The following RNF220 variants were observed in gnomAD, a reference collection of about 807,000 sequenced individuals.
RNF220 encodes E3 ubiquitin-protein ligase RNF220.
A neutral mutation model predicts 67.1 loss-of-function variants in RNF220; 7 were observed. The observed-to-expected ratio is 0.10, with a 90% confidence interval of 0.06 to 0.20. The LOEUF is 0.20. Among genes scored for constraint, RNF220 ranks in the 10% least tolerant of loss-of-function variants. The pLI is 1.00. For synonymous variants in RNF220, 270 were observed against 283.2 expected (o/e 0.95, Z 0.47); for missense variants, 565 against 740.3 (o/e 0.76, Z 2.75).
intron 4 of RNF220, among the ~76,000 whole-genome samples, chr1:44,625,399 C>T (rs1340945748): frequency 1.3e-5 from 2 of 152,212 alleles, no homozygotes; most frequent in Admixed American, 6.5e-5. Context: ...CCACCGCATG[C>T]GGGTCACATC....
In RNF220 at chr1:44,624,026, T is replaced by A. The variant is rs1403933772; in HGVS notation, c.804+1239T>A. The stretch of plus-strand genomic sequence containing the variant: ...TGCAAGCCTTTCAAAGGTATAGGAA[T>A]GGATCGTGTACCTTCGTTTAGAAAA... On this transcript the variant is annotated intron_variant, in intron 4 of 14. Coordinates refer to ENST00000361799, the MANE Select transcript of RNF220 (RefSeq NM_018150.4). This position sits in a 1 kb window ranked among gnomAD's most constrained non-coding sequence, Gnocchi z 4.2. Among the ~76,000 whole-genome samples, 1 of 152,208 alleles carries A rather than the reference T, an allele frequency of 6.6e-6. No individual in the cohort carries two copies. The highest frequency in any genetic ancestry group is 1.5e-5 in the Non-Finnish European group (1 of 68,028).
intron 2 of RNF220, among the ~76,000 whole-genome samples, chr1:44,473,022 G>T (rs1255104153): frequency 6.6e-6 from 1 of 152,152 alleles, no homozygotes; most frequent in Admixed American, 6.5e-5. Context: ...TGGCTTTGAG[G>T]TTTTCCTGGG....
chr1:44,630,899 T>C (rs566320015), intron 5 of RNF220, among the ~76,000 whole-genome samples: 2 of 152,130 alleles, frequency 1.3e-5, no homozygotes, highest in Non-Finnish European at 2.9e-5. Flanking sequence ...CACTGAAGGA[T>C]TTAAAGAAGG....
Position 44,626,579 on chromosome 1 carries a change from G to A in RNF220, c.906+181G>A, listed in dbSNP as rs112307484. On this transcript the variant is annotated intron_variant, in intron 5 of 14. Coordinates refer to ENST00000361799, the MANE Select transcript of RNF220 (RefSeq NM_018150.4). ...CAGGAGGCATACGTGTCAGGGAATA[G>A]GCCTTAAATAGATGGATTTTAGGGA... 3.3e-4 allele frequency: 194 copies of A among 596,140 alleles called. 2 individuals are homozygous for A. Among genetic ancestry groups the A allele is most frequent in the African/African-American group, 3.1e-3 (169 of 53,868 alleles). The allele number at this position is 596,140 out of a possible 1,614,324, so 36.9% of individuals were successfully genotyped here. A position where few individuals can be genotyped will look rare whatever the true frequency, so the allele number is the denominator to read the frequency against.
At chr1:44,471,817 T>TC in intron 2 of RNF220, among the ~76,000 whole-genome samples, 1 of 140,096 alleles carries the variant, frequency 7.1e-6, no homozygotes, top group East Asian at 2.3e-4. Context: ...AGAACGAAAC[T>TC]CCATCTCAAA....
intron 2 of RNF220, among the ~76,000 whole-genome samples, chr1:44,582,167 A>G (rs1160382617): frequency 6.6e-6 from 1 of 152,228 alleles, no homozygotes; most frequent in East Asian, 1.9e-4. Context: ...AGACTTTGAA[A>G]AAACTAGAGC....
intron 2 of RNF220, among the ~76,000 whole-genome samples, chr1:44,466,913 T>A (rs1654321350): frequency 6.6e-6 from 1 of 152,240 alleles, no homozygotes; most frequent in Non-Finnish European, 1.5e-5. Flanking sequence ...AAACTTTAAG[T>A]CACCAAGTGC....
intron 1 of RNF220, among the ~76,000 whole-genome samples, chr1:44,406,421 C>T (rs367691963): frequency 1.9e-4 from 29 of 152,382 alleles, no homozygotes; most frequent in African/African-American, 6.7e-4. Context: ...CCTCTCCCAG[C>T]GGTTCTACTG....
At chr1:44,416,751 G>A (rs1164106940) in intron 2 of RNF220, among the ~76,000 whole-genome samples, 1 of 152,218 alleles carries the variant, frequency 6.6e-6, no homozygotes, top group Admixed American at 6.5e-5. Flanking sequence ...CCTTCACTGT[G>A]GTCGGGCAGA....
chr1:44,524,164 G>A (rs1660170092), intron 2 of RNF220, among the ~76,000 whole-genome samples: 1 of 152,070 alleles, frequency 6.6e-6, no homozygotes, highest in Admixed American at 6.5e-5. Flanking sequence ...TCTCAGCAAG[G>A]GCTCGTAAAG....
chr1:44,598,276 C>T (rs890280536), intron 2 of RNF220, among the ~76,000 whole-genome samples: 1 of 152,180 alleles, frequency 6.6e-6, no homozygotes, highest in Non-Finnish European at 1.5e-5. Flanking sequence ...GAGCTGCAAG[C>T]GAGCAAGATG....
intron 2 of RNF220, among the ~76,000 whole-genome samples, chr1:44,520,496 G>A (rs191059002): frequency 7.2e-5 from 11 of 152,226 alleles, no homozygotes; most frequent in African/African-American, 2.4e-4. Flanking sequence ...ATGACTCTCA[G>A]TTCTGACGTT....
chr1:44,549,119 G>A (rs887373706), intron 2 of RNF220, among the ~76,000 whole-genome samples: 6 of 152,116 alleles, frequency 3.9e-5, no homozygotes, highest in Non-Finnish European at 7.4e-5. Context: ...CCCAGGAGAT[G>A]GAGGCTGCAG....
intron 2 of RNF220, among the ~76,000 whole-genome samples, chr1:44,512,429 A>G (rs929594626): frequency 1.3e-5 from 2 of 152,156 alleles, no homozygotes; most frequent in Non-Finnish European, 2.9e-5. Context: ...CATGCACACA[A>G]TTTGGATGTG....
chr1:44,405,429 C>A lies in RNF220; in HGVS notation c.-219C>A. 1.6e-6 allele frequency: 1 copy of A among 631,144 alleles called. No individual in the cohort carries two copies. 39.1% of individuals were successfully genotyped at this position (631,144 alleles called of 1,614,324 possible). ...GCCGCCGCCGCCGCCGCTGCCTCCG[C>A]CGGCTCTGCGAACCCGGGACTTTTC... On this transcript the variant is annotated 5_prime_UTR_variant, in exon 1 of 15. Coordinates refer to ENST00000361799, the MANE Select transcript of RNF220 (RefSeq NM_018150.4).
At chr1:44,646,469 G>A (rs771843837) in intron 12 of RNF220, among the ~76,000 whole-genome samples, 12 of 152,258 alleles carry the variant, frequency 7.9e-5, no homozygotes, top group Admixed American at 2.6e-4. Context: ...GCGCCGGAGC[G>A]GGCCGTATGG....
At chr1:44,558,117 C>T (rs918891568) in intron 2 of RNF220, among the ~76,000 whole-genome samples, 2 of 152,322 alleles carry the variant, frequency 1.3e-5, no homozygotes, top group East Asian at 1.9e-4. Flanking sequence ...TTGCCAGAAC[C>T]GTGGCTGACC....
intron 2 of RNF220, among the ~76,000 whole-genome samples, chr1:44,610,638 GC>G (rs545798110): frequency 2.0e-5 from 3 of 152,218 alleles, no homozygotes; most frequent in Non-Finnish European, 4.4e-5. Flanking sequence ...TCGAGAGGAT[GC>G]CTGCTGACAG....
intron 6 of RNF220, chr1:44,635,266 C>A: frequency 2.5e-6 from 1 of 400,228 alleles, no homozygotes; most frequent in Non-Finnish European, 4.5e-6. Context: ...TTTTATTAAA[C>A]ACTGCAAATA....
Sources: allele counts gnomAD v4.1 joint callset (sites outside exome capture counted in the v4.1 genomes callset), GRCh38; gene constraint gnomAD v4.1.1; non-coding constraint Gnocchi (gnomAD v3.1); transcripts MANE v1.5; gene names NCBI Gene and HGNC (gene_info 2026-07-23, HGNC 2026-07-21).